Variants in TET2 observed in about 807,000 individuals in gnomAD.
TET2 encodes tet methylcytosine dioxygenase 2.
A neutral mutation model predicts 142.9 loss-of-function variants in TET2; 299 were observed. The ratio of observed to expected loss-of-function variants is 2.09; its 90% CI spans 1.90 to 2.30. TET2 has a LOEUF of 2.30. Ranked by LOEUF, TET2 falls within the 30% of genes most tolerant of loss-of-function variation. TET2 has a pLI of 0.00. For synonymous variants in TET2, 819 were observed against 849.0 expected (o/e 0.96, Z 0.61); for missense variants, 2,418 against 2,378.0 (o/e 1.02, Z -0.35).
intron 1 of TET2, among the ~76,000 whole-genome samples, chr4:105,147,998 ATCTC>A (rs1358121537): frequency 6.6e-6 from 1 of 151,838 alleles, no homozygotes; most frequent in African/African-American, 2.4e-5. Flanking sequence ...TTGGTCTTTC[ATCTC>A]TCTGCCTTTC....
intron 6 of TET2, among the ~76,000 whole-genome samples, chr4:105,256,473 TA>T (rs1337867912): frequency 1.3e-5 from 2 of 152,310 alleles, no homozygotes; most frequent in East Asian, 3.9e-4. Context: ...GATCAGCTAT[TA>T]ATCTTATTGG....
rs79864807 is a variant in TET2 at position 105,225,185 on chromosome 4, CGTGT to C, written c.-46-8690_-46-8687del. On this transcript the variant is annotated intron_variant, in intron 2 of 10. Transcript: ENST00000380013. Reference sequence around the variant, plus strand: ...CATGCTGCACCATATAGTAAAAAATCGTGTGTGTGTGTGTGTGTGTGTGTGATTT... The same window carrying C: ...CATGCTGCACCATATAGTAAAAAATCGTGTGTGTGTGTGTGTGTGTGATTT... Among the ~76,000 whole-genome samples, 48 of 147,216 alleles carry C rather than the reference CGTGT, an allele frequency of 3.3e-4. 2 individuals are homozygous for C. In the East Asian group the frequency reaches 8.0e-3, roughly 24 times the overall value.
chr4:105,216,766 A>T (rs1727520501), intron 2 of TET2, among the ~76,000 whole-genome samples: 1 of 152,074 alleles, frequency 6.6e-6, no homozygotes, highest in South Asian at 2.1e-4. Context: ...TCAAACAAAA[A>T]GCTAATTCAT....
rs1295291919 is a variant in TET2 at position 105,237,126 on chromosome 4, G to C, written c.3184G>C (p.Val1062Leu). The change falls in exon 3 of 11, where the codon GTC (valine) becomes CTC (leucine). Residue 1062 changes from valine to leucine, a missense_variant. By Grantham distance (32) the Val-to-Leu change is conservative. Coordinates refer to ENST00000380013, the MANE Select transcript of TET2 (RefSeq NM_001127208.3). ...KQVKVEMSGP[V>L]TVLTRQTTAA... ...AGTAAAAGTTGAAATGTCAGGGCCA[G>C]TCACAGTTTTGACTAGACAAACCAC... is the stretch of plus-strand genomic sequence containing the variant. The C allele has an allele frequency of 6.2e-7, 1 of 1,614,128 alleles. No homozygotes were observed.
At chr4:105,172,855 A>T (rs557250678) in intron 1 of TET2, among the ~76,000 whole-genome samples, 1 of 152,206 alleles carries the variant, frequency 6.6e-6, no homozygotes, top group Non-Finnish European at 1.5e-5. Context: ...CAGTGAGGAA[A>T]GAGTATTCAT....
At chr4:105,172,308 A>G (rs1724517494) in intron 1 of TET2, 1 of 152,236 alleles carries the variant, frequency 6.6e-6, no homozygotes, top group Non-Finnish European at 1.5e-5. Context: ...CAGTTGACTA[A>G]CACATATTTT....
chr4:105,259,813 G>A (rs1480987955), intron 7 of TET2, 44 bp downstream of exon 7: 5 of 1,529,360 alleles, frequency 3.3e-6, no homozygotes. Flanking sequence ...TTTTCATAGA[G>A]AATTCATTAG....
intron 2 of TET2, among the ~76,000 whole-genome samples, chr4:105,219,075 T>A (rs1328421207): frequency 6.6e-6 from 1 of 152,076 alleles, no homozygotes; most frequent in Non-Finnish European, 1.5e-5. Flanking sequence ...ATAGACTGGT[T>A]ATTTTGTTTA....
intron 2 of TET2, among the ~76,000 whole-genome samples, chr4:105,209,719 TG>T (rs1727049805): frequency 6.6e-6 from 1 of 152,146 alleles, no homozygotes; most frequent in Non-Finnish European, 1.5e-5. Flanking sequence ...TAAGAAATGT[TG>T]TAGGTAGCCA....
chr4:105,185,929 T>C (rs188427780), intron 1 of TET2, among the ~76,000 whole-genome samples: 142 of 152,288 alleles, frequency 9.3e-4, no homozygotes, highest in Non-Finnish European at 1.9e-3. Flanking sequence ...TTTTATTCAA[T>C]TAAAAATGTA....
intron 1 of TET2, chr4:105,177,500 C>A (rs1443156826): frequency 6.6e-6 from 1 of 152,136 alleles, no homozygotes; most frequent in Non-Finnish European, 1.5e-5. Flanking sequence ...AAAGAAGATA[C>A]ACAAGTGTCA....
At chr4:105,202,826 G>A (rs1354611359) in intron 2 of TET2, among the ~76,000 whole-genome samples, 1 of 152,180 alleles carries the variant, frequency 6.6e-6, no homozygotes, top group African/African-American at 2.4e-5. Flanking sequence ...CAACAAAGTA[G>A]TGGATGCACT....
intron 1 of TET2, among the ~76,000 whole-genome samples, chr4:105,161,036 AGT>A (rs1723830058): frequency 6.6e-6 from 1 of 152,148 alleles, no homozygotes; most frequent in Non-Finnish European, 1.5e-5. Context: ...AGCCTCCCAA[AGT>A]GCTGGGATTA....
chr4:105,188,401 G>T (rs531721149), intron 1 of TET2, among the ~76,000 whole-genome samples: 1 of 152,300 alleles, frequency 6.6e-6, no homozygotes, highest in East Asian at 1.9e-4. Context: ...AATGAGTATA[G>T]AATTTCTGTT....
intron 2 of TET2, among the ~76,000 whole-genome samples, chr4:105,220,114 AT>A (rs1727728509): frequency 6.6e-6 from 1 of 152,160 alleles, no homozygotes; most frequent in South Asian, 2.1e-4. Flanking sequence ...TTGACAGATT[AT>A]TTTTATAACT....
chr4:105,262,033 T>G (rs911361543), intron 8 of TET2, among the ~76,000 whole-genome samples, 185 bp downstream of exon 8: 19 of 152,178 alleles, frequency 1.2e-4, no homozygotes, highest in African/African-American at 4.6e-4. Context: ...GTACATTTTT[T>G]TTGTCTTTTA....
chr4:105,260,462 TA>T lies in TET2; in HGVS notation c.3954+703del, dbSNP rs372854543. On this transcript the variant is annotated intron_variant, in intron 7 of 10. Transcript: ENST00000380013. The stretch of plus-strand genomic sequence containing the variant: ...TACCCCCAATAAACCCATCCTAAAG[TA>T]AAAAAAAAACGAAGCCATTATAGGT... Among the ~76,000 whole-genome samples the T allele has an allele frequency of 6.4e-3, 937 of 146,948 alleles. 4 individuals are homozygous for T. The highest frequency in any genetic ancestry group is 0.01 in the Non-Finnish European group (692 of 66,406).
chr4:105,247,480 T>G (rs1392998969), intron 6 of TET2, among the ~76,000 whole-genome samples: 1 of 152,186 alleles, frequency 6.6e-6, no homozygotes, highest in Non-Finnish European at 1.5e-5. Flanking sequence ...CATAAAATTC[T>G]CTCCATTTAG....
chr4:105,250,528 A>G (rs1326376374), intron 6 of TET2, among the ~76,000 whole-genome samples: 1 of 147,600 alleles, frequency 6.8e-6, no homozygotes, highest in African/African-American at 2.5e-5. Context: ...ACCACATCCA[A>G]CCCCCTTCTG....
Sources: allele counts gnomAD v4.1 joint callset (sites outside exome capture counted in the v4.1 genomes callset), GRCh38; gene constraint gnomAD v4.1.1; transcripts MANE v1.5; gene names NCBI Gene and HGNC (gene_info 2026-07-23, HGNC 2026-07-21).